USP35: variants seen among roughly 807,000 people sequenced by gnomAD.
USP35 encodes the protein ubiquitin specific peptidase 35.
A neutral mutation model predicts 83.8 loss-of-function variants in USP35; 69 were observed. The ratio of observed to expected loss-of-function variants is 0.82; its 90% CI spans 0.68 to 1.01. The LOEUF (loss-of-function observed/expected upper bound fraction) is 1.01, where lower values mean the gene tolerates loss of function less well. USP35 is among the 50% of genes least tolerant of loss of function. The probability of loss-of-function intolerance (pLI) is 0.00; values close to 1 mark genes in which losing one functional copy is unlikely to be tolerated. For missense variants in USP35, 1,503 were observed against 1,362.5 expected, an observed-to-expected ratio of 1.10 and a Z score of -1.62; for synonymous variants, 714 against 589.5, an observed-to-expected ratio of 1.21 and a Z score of -3.06.
intron 3 of USP35, chr11:78,198,716 G>C: frequency 7.1e-6 from 7 of 985,088 alleles, no homozygotes; most frequent in Non-Finnish European, 8.4e-6. Context: ...GTGGGCTCTC[G>C]AGGTAAGTTG....
Position 78,207,587 on chromosome 11 carries a change from G to T in USP35, c.1449G>T (p.Lys483Asn). 6.2e-7 allele frequency: 1 copy of T among 1,614,164 alleles called. No individual in the cohort carries two copies. Among genetic ancestry groups the T allele is most frequent in the Non-Finnish European group, 8.5e-7 (1 of 1,180,030 alleles). ...ACAACTCACAGCCCCTGATGACCAA[G>T]CTGCAGTGGCTCTTTGGCTTCCTAG... ...TENNSQPLMT[K>N]LQWLFGFLEH... Residue 483 changes from lysine (K) to asparagine (N), a missense_variant, in exon 8 of 11, where the codon AAG becomes AAT. Coordinates refer to ENST00000529308, the MANE Select transcript of USP35 (RefSeq NM_020798.4).
Position 78,196,191 on chromosome 11 carries a change from G to GC in USP35, c.-10-41dup. On this transcript the variant is annotated intron_variant, in intron 1 of 10. Coordinates refer to ENST00000529308, the MANE Select transcript of USP35 (RefSeq NM_020798.4). This position sits in a 1 kb window ranked among gnomAD's most constrained non-coding sequence, Gnocchi z 4.8. The stretch of plus-strand genomic sequence containing the variant: ...CGGGGACTGCACCGGGAACTCTTGA[G>GC]CCCCGCGGTTGTCGGGCTGTGACCT... 1 of 1,533,404 alleles carries GC rather than the reference G, an allele frequency of 6.5e-7. No individual in the cohort carries two copies. The highest frequency in any genetic ancestry group is 1.2e-5 in the South Asian group (1 of 83,168). 95.0% of individuals were successfully genotyped at this position (1,533,404 alleles called of 1,614,324 possible).
chr11:78,200,241 T>TCCCCTGCCTGCTGCCCCTGGTGAGG lies in USP35; in HGVS notation c.1038+29_1038+53dup, dbSNP rs760223313. 1.6e-4 allele frequency: 258 copies of TCCCCTGCCTGCTGCCCCTGGTGAGG among 1,613,544 alleles called. No individual in the cohort carries two copies. The African/African-American group carries it at 3.0e-3, about 19-fold the overall frequency. On this transcript the variant is annotated splice_region_variant and intron_variant, in intron 5 of 10. Coordinates refer to ENST00000529308, the MANE Select transcript of USP35 (RefSeq NM_020798.4). ...CCACGAAGCCTTCCACCTGGTAAGGTCCCCTGCCTGCTGCCCCTGGTGAGG... is the reference window on the plus strand; with the variant it reads ...CCACGAAGCCTTCCACCTGGTAAGGTCCCCTGCCTGCTGCCCCTGGTGAGGCCCCTGCCTGCTGCCCCTGGTGAGG...
chr11:78,210,296 A>G lies in USP35; in HGVS notation c.2441A>G (p.Asp814Gly). Residue 814 changes from aspartate to glycine, a missense_variant, in exon 10 of 11, where the codon GAC becomes GGC. Coordinates refer to ENST00000529308, the MANE Select transcript of USP35 (RefSeq NM_020798.4). ...LILTLLRFSF[D>G]LRTMRRRKIL... ...CTCACACTGCTGCGCTTCTCTTTCG[A>G]CCTGCGCACCATGCGGCGCCGCAAG... 2 of 1,613,838 alleles carry G rather than the reference A, an allele frequency of 1.2e-6. No individual in the cohort carries two copies. The highest frequency in any genetic ancestry group is 2.7e-5 in the African/African-American group (2 of 75,014).
At chr11:78,236,608 G>A in the USP35 span, among the ~76,000 whole-genome samples, 4 of 152,196 alleles carry the variant, frequency 2.6e-5, no homozygotes, top group Non-Finnish European at 5.9e-5. Context: ...GGGTTCCTTA[G>A]AAGTCCTTTA....
Position 78,199,743 on chromosome 11 carries a change from G to C in USP35, c.936+19G>C. The C allele has an allele frequency of 6.2e-7, 1 of 1,614,112 alleles. No individual in the cohort carries two copies. The highest frequency in any genetic ancestry group is 8.5e-7 in the Non-Finnish European group (1 of 1,179,974). ...TGAGAAGGTTGGTGCCCCTGTCCTA[G>C]CCCAGAGTTACAGCCTTTTGTACTA... On this transcript the variant is annotated intron_variant, in intron 4 of 10. Transcript: ENST00000529308.
chr11:78,193,279 C>T (rs761193277), intron 1 of USP35, among the ~76,000 whole-genome samples: 4 of 151,896 alleles, frequency 2.6e-5, no homozygotes, highest in South Asian at 2.1e-4. Flanking sequence ...CTGCAACCTT[C>T]GCCTCCCAAG....
Position 78,210,076 on chromosome 11 carries a change from C to T in USP35, c.2221C>T (p.His741Tyr), listed in dbSNP as rs569405276. Residue 741 changes from histidine (H) to tyrosine (Y), a missense_variant, in exon 10 of 11, where the codon CAC becomes TAC. Physicochemically the swap from His to Tyr is moderately conservative, Grantham distance 83. Coordinates refer to ENST00000529308, the MANE Select transcript of USP35 (RefSeq NM_020798.4). Reference sequence around the variant, plus strand: ...AGAAGACAGCCTGGGAGCGGGGACCCACCCGGATGCTGCCATCCCCTCCGG... The same window carrying T: ...AGAAGACAGCCTGGGAGCGGGGACCTACCCGGATGCTGCCATCCCCTCCGG... ...KEEDSLGAGT[H>Y]PDAAIPSGER... is the part of the protein sequence containing the mutation. 41 of 1,614,002 alleles carry T rather than the reference C, an allele frequency of 2.5e-5. No individual in the cohort carries two copies. The East Asian group carries it at 7.6e-4, about 30-fold the overall frequency.
At position 78,213,694 on chromosome 11, in the gene USP35, C is replaced by T; in HGVS notation, c.2938C>T (p.Pro980Ser). 1 of 1,527,218 alleles carries T rather than the reference C, an allele frequency of 6.5e-7. No individual in the cohort carries two copies. Among genetic ancestry groups the T allele is most frequent in the Non-Finnish European group, 8.7e-7 (1 of 1,147,100 alleles). The allele number at this position is 1,527,218 out of a possible 1,614,324, so 94.6% of individuals were successfully genotyped here. The change falls in exon 11 of 11, where the codon CCC (proline) becomes TCC (serine). Residue 980 changes from proline to serine, a missense_variant. By Grantham distance (74) the Pro-to-Ser change is moderately conservative. Coordinates refer to ENST00000529308, the MANE Select transcript of USP35 (RefSeq NM_020798.4). ...RSRAAYISAL[P>S]TSPHWGRGFD... ...CAGGGCGGCCTACATCTCTGCACTCCCCACATCTCCGCACTGGGGGAGGGG... is the reference window on the plus strand; with the variant it reads ...CAGGGCGGCCTACATCTCTGCACTCTCCACATCTCCGCACTGGGGGAGGGG...
chr11:78,193,555 G>A (rs1672938559), intron 1 of USP35, among the ~76,000 whole-genome samples: 1 of 151,906 alleles, frequency 6.6e-6, no homozygotes, highest in African/African-American at 2.4e-5. Flanking sequence ...ATTATACCTT[G>A]CAGGGGCACC....
At chr11:78,223,733 G>T in the USP35 span, 8 of 1,438,590 alleles carry the variant, frequency 5.6e-6, no homozygotes, top group Admixed American at 2.0e-5. Context: ...GAAACAGGAA[G>T]GGGGTAAGAC....
intron 10 of USP35, 26 bp from the exon 11 acceptor site, chr11:78,213,620 A>G (rs772802300): frequency 5.7e-6 from 8 of 1,401,882 alleles, no homozygotes; most frequent in Non-Finnish European, 7.5e-6. Flanking sequence ...TTCTAAGTCT[A>G]AGTCTCCTCT....
intron 6 of USP35, 35 bp downstream of exon 6, chr11:78,200,843 C>A: frequency 6.4e-7 from 1 of 1,565,934 alleles, no homozygotes; most frequent in African/African-American, 1.4e-5. Context: ...CCTTGCCCCA[C>A]TCTGACAAAG....
chr11:78,213,074 T>C (rs892616739), intron 10 of USP35, among the ~76,000 whole-genome samples: 2 of 152,136 alleles, frequency 1.3e-5, no homozygotes, highest in Non-Finnish European at 2.9e-5. Context: ...ATACAGCAAC[T>C]GGTGTGGGGA....
chr11:78,224,147 C>T, the USP35 span, among the ~76,000 whole-genome samples: 1 of 152,148 alleles, frequency 6.6e-6, no homozygotes, highest in Non-Finnish European at 1.5e-5. Flanking sequence ...CTGTGGGCCC[C>T]TTCAAGCCTT....
chr11:78,225,315 T>C, the USP35 span: 1 of 659,082 alleles, frequency 1.5e-6, no homozygotes, highest in Admixed American at 2.7e-5. Flanking sequence ...AAGATACTAC[T>C]CTCAACCCCA....
the USP35 span, chr11:78,226,439 G>C: frequency 6.4e-7 from 1 of 1,554,088 alleles, no homozygotes; most frequent in East Asian, 2.2e-5. Context: ...TCCTCCCTCT[G>C]AGTCTCAGCT....
intron 1 of USP35, among the ~76,000 whole-genome samples, chr11:78,190,506 C>A (rs1862972332): frequency 6.6e-6 from 1 of 152,234 alleles, no homozygotes; most frequent in South Asian, 2.1e-4. Context: ...TGTCACATGT[C>A]TCTCATGAGT....
intron 9 of USP35, 52 bp from the exon 10 acceptor site, chr11:78,209,396 C>T (rs1460187471): frequency 1.3e-6 from 2 of 1,498,636 alleles, no homozygotes; most frequent in Admixed American, 4.6e-5. Flanking sequence ...AGCTGAGTGC[C>T]CCGGAAGGGG....
Sources: allele counts gnomAD v4.1 joint callset (sites outside exome capture counted in the v4.1 genomes callset), GRCh38; gene constraint gnomAD v4.1.1; non-coding constraint Gnocchi (gnomAD v3.1); transcripts MANE v1.5; gene names NCBI Gene and HGNC (gene_info 2026-07-23, HGNC 2026-07-21).